The following SPATA16 variants were observed in gnomAD, a reference collection of about 807,000 sequenced individuals.
The protein encoded by SPATA16 is spermatogenesis associated 16, also known as spermatogenesis-associated protein 16.
Under a neutral mutation model 63.3 loss-of-function variants are expected in SPATA16, and 36 were observed. That is an observed-to-expected ratio of 0.57 (90% CI 0.44 to 0.75). The LOEUF is 0.75. SPATA16 is among the 30% of genes least tolerant of loss of function. The pLI, the probability that SPATA16 is intolerant of heterozygous loss-of-function variation, is 0.00. For missense variants in SPATA16, 646 were observed against 679.3 expected (o/e 0.95, Z 0.54); for synonymous variants, 203 against 216.7 (o/e 0.94, Z 0.56).
At position 172,916,501 on chromosome 3, in the gene SPATA16, A is replaced by C. The variant is rs1039823266; in HGVS notation, c.1339-20T>G. On this transcript the variant is annotated intron_variant, in intron 8 of 10. Coordinates refer to ENST00000351008, the MANE Select transcript of SPATA16 (RefSeq NM_031955.6). ...ACTCCCCTAGTCTCAAAGTAAAAGA[A>C]ATGTTTTAGAACAAAACCACGGAAA... The C allele has an allele frequency of 1.2e-6, 2 of 1,613,262 alleles. No homozygotes were observed. Among genetic ancestry groups the C allele is most frequent in the Non-Finnish European group, 1.7e-6 (2 of 1,179,478 alleles).
At chr3:173,122,837 A>G (rs1577186682) in intron 1 of SPATA16, among the ~76,000 whole-genome samples, 1 of 152,158 alleles carries the variant, frequency 6.6e-6, no homozygotes, top group African/African-American at 2.4e-5. Context: ...ATGTATCACA[A>G]TCCTTTTTCT....
intron 6 of SPATA16, among the ~76,000 whole-genome samples, chr3:172,941,687 T>TTC (rs1305891135): frequency 2.0e-5 from 3 of 152,132 alleles, no homozygotes; most frequent in Non-Finnish European, 2.9e-5. Context: ...AAGGATGCAC[T>TTC]TTAGAAAGAA....
chr3:173,072,932 A>G (rs1736707277), intron 2 of SPATA16, among the ~76,000 whole-genome samples: 1 of 152,214 alleles, frequency 6.6e-6, no homozygotes, highest in Non-Finnish European at 1.5e-5. Flanking sequence ...AAATGCTGAT[A>G]ATGTTATGGA....
At chr3:173,121,075 C>T (rs1036510046) in intron 1 of SPATA16, among the ~76,000 whole-genome samples, 3 of 152,100 alleles carry the variant, frequency 2.0e-5, no homozygotes, top group African/African-American at 7.2e-5. Context: ...GGTTCCCTCC[C>T]AAATTCAGAA....
chr3:173,116,073 G>T (rs1355401846), intron 2 of SPATA16, among the ~76,000 whole-genome samples: 1 of 151,950 alleles, frequency 6.6e-6, no homozygotes, highest in Non-Finnish European at 1.5e-5. Context: ...TTTACATTTT[G>T]TAGAGATAGG....
chr3:172,940,095 C>G (rs1733110434), intron 6 of SPATA16, among the ~76,000 whole-genome samples: 1 of 152,206 alleles, frequency 6.6e-6, no homozygotes, highest in Admixed American at 6.5e-5. Flanking sequence ...CTCCACATCT[C>G]TCACCCCTAC....
At chr3:172,943,887 A>C (rs77788103) in intron 6 of SPATA16, among the ~76,000 whole-genome samples, 8,315 of 152,280 alleles carry the variant, frequency 0.055, 762 homozygotes, top group African/African-American at 0.19. Context: ...AAAAAACCCA[A>C]ATGAACAAAG....
intron 4 of SPATA16, among the ~76,000 whole-genome samples, chr3:172,996,292 C>T (rs1479493489): frequency 6.6e-6 from 1 of 151,912 alleles, no homozygotes; most frequent in Non-Finnish European, 1.5e-5. Context: ...GCAAATATGG[C>T]CAGTTGCCCA....
At chr3:173,081,574 C>A (rs1560116900) in intron 2 of SPATA16, among the ~76,000 whole-genome samples, 2 of 151,656 alleles carry the variant, frequency 1.3e-5, no homozygotes, top group Non-Finnish European at 2.9e-5. Context: ...AAGCAGGGGG[C>A]AATTTTATGA....
intron 2 of SPATA16, among the ~76,000 whole-genome samples, chr3:173,097,894 G>A (rs1473837126): frequency 6.6e-6 from 1 of 152,172 alleles, no homozygotes; most frequent in African/African-American, 2.4e-5. Flanking sequence ...AGTAGAACTT[G>A]CATTTGTCAA....
intron 1 of SPATA16, among the ~76,000 whole-genome samples, chr3:173,121,194 G>T (rs1275256490): frequency 1.3e-5 from 2 of 151,108 alleles, no homozygotes; most frequent in African/African-American, 4.9e-5. Flanking sequence ...CTTTATTTCA[G>T]CTGTACAGCC....
At chr3:172,898,196 T>C (rs1034037826) in intron 10 of SPATA16, among the ~76,000 whole-genome samples, 1 of 151,958 alleles carries the variant, frequency 6.6e-6, no homozygotes, top group African/African-American at 2.4e-5. Context: ...GAGAGATTGG[T>C]TTGTAGATTT....
Position 172,942,998 on chromosome 3 carries a change from T to G in SPATA16, c.1081+13679A>C, listed in dbSNP as rs766844186. ...TTTGAGATGAAATACAATGAAAGTG[T>G]TTTTCAAAATTTTTAGGGCACAACA... is the stretch of plus-strand genomic sequence containing the variant. On this transcript the variant is annotated intron_variant, in intron 6 of 10. Transcript: ENST00000351008. 2.2e-4 allele frequency among the ~76,000 whole-genome samples: 34 copies of G among 152,252 alleles called. 1 individual carries two copies. Among genetic ancestry groups the G allele is most frequent in the Middle Eastern group, 3.4e-3 (1 of 294 alleles).
intron 4 of SPATA16, among the ~76,000 whole-genome samples, chr3:172,999,773 A>G (rs1451278507): frequency 1.3e-5 from 2 of 152,172 alleles, no homozygotes; most frequent in African/African-American, 4.8e-5. Context: ...CTGGCTAGAA[A>G]CATCAGTTTT....
intron 3 of SPATA16, among the ~76,000 whole-genome samples, chr3:173,020,278 G>A (rs1294018737): frequency 6.6e-6 from 1 of 151,518 alleles, no homozygotes; most frequent in Non-Finnish European, 1.5e-5. Flanking sequence ...GGGGACAAGA[G>A]CGAGACTTCG....
intron 2 of SPATA16, among the ~76,000 whole-genome samples, chr3:173,057,209 T>C (rs28494640): frequency 0.08 from 12,175 of 151,778 alleles, 842 homozygotes; most frequent in African/African-American, 0.18. Context: ...CCTCCCGGAT[T>C]CACGCCATTC....
intron 3 of SPATA16, among the ~76,000 whole-genome samples, chr3:173,042,451 T>C (rs1243636029): frequency 2.0e-5 from 3 of 152,146 alleles, no homozygotes; most frequent in African/African-American, 7.2e-5. Context: ...CTTGAACTCC[T>C]CCTGACCTCA....
intron 1 of SPATA16, among the ~76,000 whole-genome samples, chr3:173,128,977 C>T (rs985321717): frequency 3.3e-5 from 5 of 152,230 alleles, no homozygotes; most frequent in African/African-American, 9.6e-5. Context: ...GCCAGAAAGA[C>T]AGAGGCTGCA....
rs539043743 is a variant in SPATA16, at chr3:173,108,070, A to G, written c.612+9050T>C. On this transcript the variant is annotated intron_variant, in intron 2 of 10. Coordinates refer to ENST00000351008, the MANE Select transcript of SPATA16 (RefSeq NM_031955.6). Reference sequence around the variant, plus strand: ...TACTGTCATTTGAATCAAACACATAATGACCACCTGTAAACTATGGAAATA... The same window carrying G: ...TACTGTCATTTGAATCAAACACATAGTGACCACCTGTAAACTATGGAAATA... 5.9e-5 allele frequency among the ~76,000 whole-genome samples: 9 copies of G among 152,306 alleles called. No homozygotes were observed. The East Asian group carries it at 1.7e-3, about 29-fold the overall frequency.
Sources: gnomAD v4.1 joint callset for allele counts (sites outside exome capture counted in the v4.1 genomes callset) on GRCh38, gnomAD v4.1.1 for gene constraint, MANE v1.5 for transcripts, NCBI Gene and HGNC (gene_info 2026-07-23, HGNC 2026-07-21) for gene names.